Variants in MTPN observed in about 807,000 individuals in gnomAD.
MTPN encodes myotrophin, also known as granule cell differentiation protein.
In MTPN, 2 loss-of-function variants were observed where a neutral mutation model predicts 13.5. The observed-to-expected ratio is 0.15, with a 90% confidence interval of 0.06 to 0.47. MTPN has a LOEUF of 0.47. MTPN is among the 20% of genes least tolerant of loss of function. MTPN has a pLI of 0.97. For synonymous variants in MTPN, 46 were observed against 51.7 expected (o/e 0.89, Z 0.48); for missense variants, 79 against 137.9 (o/e 0.57, Z 2.14).
chr7:135,949,551 G>C (rs1208473254), intron 3 of MTPN, among the ~76,000 whole-genome samples: 1 of 152,160 alleles, frequency 6.6e-6, no homozygotes, highest in Non-Finnish European at 1.5e-5. Flanking sequence ...TCCAGTAATT[G>C]TGGTTAACAT....
chr7:135,967,619 A>C (rs1490626219), intron 1 of MTPN, among the ~76,000 whole-genome samples: 5 of 152,208 alleles, frequency 3.3e-5, no homozygotes, highest in Admixed American at 2.6e-4. Context: ...CTCTGTAAGT[A>C]ATCTTGCTTC....
chr7:135,972,519 T>C (rs1480458218), intron 1 of MTPN, among the ~76,000 whole-genome samples: 1 of 152,230 alleles, frequency 6.6e-6, no homozygotes, highest in South Asian at 2.1e-4. Flanking sequence ...ATGCTGAAAT[T>C]ATTGCTAAGT....
intron 3 of MTPN, among the ~76,000 whole-genome samples, chr7:135,940,059 T>G (rs1386305331): frequency 3.3e-5 from 5 of 152,206 alleles, no homozygotes; most frequent in African/African-American, 1.2e-4. Flanking sequence ...TGAATCAATT[T>G]ATATGCATTT....
At chr7:135,934,453 A>C (rs958944103) in intron 3 of MTPN, among the ~76,000 whole-genome samples, 2 of 152,182 alleles carry the variant, frequency 1.3e-5, no homozygotes, top group African/African-American at 4.8e-5. Flanking sequence ...AATGATTTGG[A>C]AGTGACACAC....
intron 3 of MTPN, among the ~76,000 whole-genome samples, chr7:135,950,269 G>C (rs1281278333): frequency 2.0e-5 from 3 of 152,124 alleles, no homozygotes; most frequent in Non-Finnish European, 4.4e-5. Context: ...TATGAACCTG[G>C]TGCCAGTCCA....
chr7:135,950,537 A>C (rs1381167411), intron 3 of MTPN, 62 bp downstream of exon 3: 5 of 1,275,732 alleles, frequency 3.9e-6, no homozygotes, highest in Non-Finnish European at 3.4e-6. Context: ...ATAAATTAAC[A>C]ATCAAATACT....
chr7:135,965,803 A>G (rs1261750980), intron 1 of MTPN, among the ~76,000 whole-genome samples: 1 of 152,184 alleles, frequency 6.6e-6, no homozygotes, highest in African/African-American at 2.4e-5. Context: ...AGGAAATGAA[A>G]GAACATCATT....
chr7:135,946,559 G>A (rs1799291417), intron 3 of MTPN, among the ~76,000 whole-genome samples: 1 of 152,148 alleles, frequency 6.6e-6, no homozygotes, highest in Non-Finnish European at 1.5e-5. Context: ...TATTGTCTAT[G>A]GCAATGTTAC....
At chr7:135,935,593 A>G (rs534992594) in intron 3 of MTPN, among the ~76,000 whole-genome samples, 1 of 152,260 alleles carries the variant, frequency 6.6e-6, no homozygotes, top group East Asian at 1.9e-4. Flanking sequence ...GTTCTTTCTC[A>G]AATGCCAGTC....
In MTPN at chr7:135,927,299, G is replaced by T. The variant is rs1798935186; in HGVS notation, c.*2627C>A. 6.5e-7 allele frequency: 1 copy of T among 1,550,088 alleles called. No individual in the cohort carries two copies. The highest frequency in any genetic ancestry group is 8.7e-7 in the Non-Finnish European group (1 of 1,146,440). ...TTAGAAAGGTGAGCTATGCGTAGAA[G>T]AACTACTTGGGATATTCAAGTGCTG... On this transcript the variant is annotated 3_prime_UTR_variant, in exon 4 of 4. Coordinates refer to ENST00000393085, the MANE Select transcript of MTPN (RefSeq NM_145808.4).
At chr7:135,975,281 C>T (rs1279930161) in intron 1 of MTPN, among the ~76,000 whole-genome samples, 1 of 152,160 alleles carries the variant, frequency 6.6e-6, no homozygotes, top group Non-Finnish European at 1.5e-5. Context: ...TGAATGTGGA[C>T]CCTGGGAATG....
intron 1 of MTPN, among the ~76,000 whole-genome samples, chr7:135,958,356 G>A (rs1056229666): frequency 2.0e-5 from 3 of 152,132 alleles, no homozygotes; most frequent in Non-Finnish European, 4.4e-5. Context: ...TAACAGCTTT[G>A]TCACAGTGCA....
intron 2 of MTPN, among the ~76,000 whole-genome samples, chr7:135,951,170 T>G (rs1034072558): frequency 6.6e-5 from 10 of 152,188 alleles, no homozygotes; most frequent in African/African-American, 2.4e-4. Flanking sequence ...ATAATCCATT[T>G]TAGATTTAGC....
rs1562926799 is a variant in MTPN at position 135,927,923 on chromosome 7, T to G, written c.*2003A>C. 3 of 292,636 alleles carry G rather than the reference T, an allele frequency of 1.0e-5. No individual in the cohort carries two copies. Among genetic ancestry groups the G allele is most frequent in the African/African-American group, 4.6e-5 (2 of 43,788 alleles). 18.1% of individuals were successfully genotyped at this position (292,636 alleles called of 1,614,324 possible). The stretch of plus-strand genomic sequence containing the variant: ...GCAATAGCCAACTACAACAAAACAC[T>G]TTGAAAGTAAAGGTGAAAATTATAT... On this transcript the variant is annotated 3_prime_UTR_variant, in exon 4 of 4. Transcript: ENST00000393085.
intron 1 of MTPN, among the ~76,000 whole-genome samples, chr7:135,957,748 G>T (rs79902945): frequency 0.052 from 7,892 of 152,140 alleles, 252 homozygotes; most frequent in East Asian, 0.094. Flanking sequence ...GTTCTCACTG[G>T]GTGTGAGATA....
chr7:135,950,747 C>G, intron 2 of MTPN, 65 bp from the exon 3 acceptor site: 1 of 1,245,464 alleles, frequency 8.0e-7, no homozygotes, highest in Admixed American at 2.0e-5. Context: ...CTAGTTTTAA[C>G]TAGAAAACTC....
intron 1 of MTPN, 40 bp from the exon 2 acceptor site, chr7:135,951,670 G>C: frequency 7.2e-7 from 1 of 1,391,314 alleles, no homozygotes; most frequent in Non-Finnish European, 1.0e-6. Flanking sequence ...TTATATGAAT[G>C]GAAGACTGAA....
intron 1 of MTPN, among the ~76,000 whole-genome samples, chr7:135,974,502 C>A (rs1273343032): frequency 6.6e-6 from 1 of 151,962 alleles, no homozygotes; most frequent in Non-Finnish European, 1.5e-5. Flanking sequence ...AAGCAAAGAC[C>A]CTGTCTCCGA....
At position 135,939,241 on chromosome 7, in the gene MTPN, T is replaced by C. The variant is rs149945417; in HGVS notation, c.271-9229A>G. Among the ~76,000 whole-genome samples, 509 of 152,288 alleles carry C rather than the reference T, an allele frequency of 3.3e-3. 4 individuals carry two copies. The highest frequency in any genetic ancestry group is 0.02 in the Middle Eastern group (6 of 294). ...AAAGCATCAAAGACATTCTTTATTC[T>C]TTCCCTGGAACCACCCAATTACCTC... On this transcript the variant is annotated intron_variant, in intron 3 of 3. Transcript: ENST00000393085.
Sources: allele counts gnomAD v4.1 joint callset (sites outside exome capture counted in the v4.1 genomes callset), GRCh38; gene constraint gnomAD v4.1.1; transcripts MANE v1.5; gene names NCBI Gene and HGNC (gene_info 2026-07-23, HGNC 2026-07-21).